Variants in PDZRN4 observed in about 807,000 individuals in gnomAD.
PDZRN4 encodes the protein PDZ domain containing ring finger 4, also known as PDZ domain-containing RING finger protein 4.
Under a neutral mutation model 99.0 loss-of-function variants are expected in PDZRN4, and 70 were observed. The ratio of observed to expected loss-of-function variants is 0.71; its 90% CI spans 0.58 to 0.86. PDZRN4 has a LOEUF of 0.86. Ranked by LOEUF, PDZRN4 falls within the 40% of genes least tolerant of loss-of-function variation. PDZRN4 has a pLI of 0.00. For missense variants in PDZRN4, 1,474 were observed against 1,331.2 expected (o/e 1.11, Z -1.67); for synonymous variants, 551 against 501.6 (o/e 1.10, Z -1.32).
At chr12:41,432,275 C>G (rs1419857204) in intron 3 of PDZRN4, among the ~76,000 whole-genome samples, 1 of 152,198 alleles carries the variant, frequency 6.6e-6, no homozygotes, top group East Asian at 1.9e-4. Flanking sequence ...CTTTCATAGA[C>G]TTTCAAATTT....
intron 3 of PDZRN4, among the ~76,000 whole-genome samples, chr12:41,502,030 G>C (rs542635104): frequency 2.1e-4 from 32 of 152,064 alleles, no homozygotes; most frequent in Admixed American, 9.2e-4. Context: ...ACATGTCACT[G>C]TTTATCCTAG....
intron 3 of PDZRN4, among the ~76,000 whole-genome samples, chr12:41,483,415 C>A (rs1440045794): frequency 6.6e-6 from 1 of 152,102 alleles, no homozygotes; most frequent in East Asian, 1.9e-4. Context: ...GATCCTAAAT[C>A]TCTCTTTTTG....
At position 41,188,927 on chromosome 12, in the gene PDZRN4, C is replaced by G. The variant is rs746539768; in HGVS notation, c.472C>G (p.Arg158Gly). The G allele has an allele frequency of 8.3e-7, 1 of 1,200,732 alleles. No individual in the cohort carries two copies. The highest frequency in any genetic ancestry group is 1.6e-5 in the African/African-American group (1 of 62,710). The allele number at this position is 1,200,732 out of a possible 1,614,324, so 74.4% of individuals were successfully genotyped here. A position where few individuals can be genotyped will look rare whatever the true frequency, so the allele number is the denominator to read the frequency against. ...GCCGGGCGGCCGCTGGGGCCGCGGG[C>G]GGGGACCCGGGCCTCGGGTCCTCGC... ...GPPGGRWGRG[R>G]GPGPRVLAWR... Residue 158 changes from arginine to glycine, a missense_variant, in exon 1 of 10, where the codon CGG becomes GGG. Arg to Gly is a moderately radical substitution (Grantham distance 125). Transcript: ENST00000402685.
intron 3 of PDZRN4, among the ~76,000 whole-genome samples, chr12:41,422,005 CAT>C (rs1952494498): frequency 6.6e-6 from 1 of 152,120 alleles, no homozygotes; most frequent in South Asian, 2.1e-4. Context: ...AGAGTACCCA[CAT>C]GTGTCAGTAA....
intron 3 of PDZRN4, among the ~76,000 whole-genome samples, chr12:41,289,375 A>T (rs1418756716): frequency 6.6e-6 from 1 of 152,188 alleles, no homozygotes; most frequent in Non-Finnish European, 1.5e-5. Context: ...GTATTAACCA[A>T]TATGGGTGGA....
chr12:41,404,744 T>TAAA (rs35907714), intron 3 of PDZRN4, among the ~76,000 whole-genome samples: 2 of 145,504 alleles, frequency 1.4e-5, no homozygotes, highest in Non-Finnish European at 1.5e-5. Flanking sequence ...CAAGCTATAC[T>TAAA]AAAAAAAAAA....
Position 41,527,041 on chromosome 12 carries a change from G to A in PDZRN4, c.1203+17128G>A, listed in dbSNP as rs537125893. On this transcript the variant is annotated intron_variant, in intron 5 of 9. Transcript: ENST00000402685. ...TTCTGTTAGATGTAGATGTGGAAAC[G>A]GGAAGACATATATAATTACACTACC... is the stretch of plus-strand genomic sequence containing the variant. Among the ~76,000 whole-genome samples, 29 of 152,286 alleles carry A rather than the reference G, an allele frequency of 1.9e-4. 1 individual carries two copies. The highest frequency in any genetic ancestry group is 6.5e-4 in the African/African-American group (27 of 41,564).
At chr12:41,514,023 A>T (rs1938353423) in intron 5 of PDZRN4, among the ~76,000 whole-genome samples, 1 of 152,098 alleles carries the variant, frequency 6.6e-6, no homozygotes, top group Non-Finnish European at 1.5e-5. Flanking sequence ...TGATCAGGCA[A>T]AGAAACATAT....
At chr12:41,288,544 G>C (rs1270960318) in intron 3 of PDZRN4, among the ~76,000 whole-genome samples, 1 of 152,142 alleles carries the variant, frequency 6.6e-6, no homozygotes, top group Non-Finnish European at 1.5e-5. Context: ...ATATGGTGCA[G>C]TGTTTCTTTA....
chr12:41,402,140 T>TATAC lies in PDZRN4; in HGVS notation c.844-104315_844-104314insTACA, dbSNP rs1474126618. Among the ~76,000 whole-genome samples the TATAC allele has an allele frequency of 6.2e-5, 2 of 32,258 alleles. 1 individual carries two copies. Among genetic ancestry groups the TATAC allele is most frequent in the African/African-American group, 5.3e-4 (2 of 3,758 alleles). The allele number at this position is 32,258 out of a possible 152,430, so 21.2% of individuals were successfully genotyped here. On this transcript the variant is annotated intron_variant, in intron 3 of 9. Coordinates refer to ENST00000402685, the MANE Select transcript of PDZRN4 (RefSeq NM_001164595.2). ...GTATATATATATATATATATATATA[T>TATAC]ACACACACTGAGTATATATATATAT...
At chr12:41,192,767 A>T (rs554850039) in intron 2 of PDZRN4, among the ~76,000 whole-genome samples, 3 of 152,302 alleles carry the variant, frequency 2.0e-5, no homozygotes, top group Non-Finnish European at 1.5e-5. Flanking sequence ...TGGCTCCCCA[A>T]ACCGAGTTCT....
chr12:41,415,313 T>TTA (rs1952435325), intron 3 of PDZRN4, among the ~76,000 whole-genome samples: 1 of 149,360 alleles, frequency 6.7e-6, no homozygotes, highest in Non-Finnish European at 1.5e-5. Flanking sequence ...TGGAAATTTA[T>TTA]TATATATATG....
chr12:41,304,684 G>A (rs1174891052), intron 3 of PDZRN4, among the ~76,000 whole-genome samples: 1 of 152,122 alleles, frequency 6.6e-6, no homozygotes, highest in African/African-American at 2.4e-5. Context: ...AAAATGAATA[G>A]GATATGGTTC....
In PDZRN4 at chr12:41,188,855, G is replaced by A; in HGVS notation, c.400G>A (p.Gly134Ser). 4.8e-6 allele frequency: 6 copies of A among 1,249,976 alleles called. No individual in the cohort carries two copies. The highest frequency in any genetic ancestry group is 2.8e-5 in the South Asian group (1 of 35,146). 77.4% of individuals were successfully genotyped at this position (1,249,976 alleles called of 1,614,324 possible). The change falls in exon 1 of 10, where the codon GGT (glycine) becomes AGT (serine). Residue 134 changes from glycine (G) to serine (S), a missense_variant. Physicochemically the swap from Gly to Ser is moderately conservative, Grantham distance 56 (BLOSUM62 0). Transcript: ENST00000402685. ...GGEVPARGGC[G>S]PTPRAGRGGG... The stretch of plus-strand genomic sequence containing the variant: ...TGAGGTGCCCGCGCGGGGGGGCTGC[G>A]GTCCGACACCCAGGGCTGGCCGGGG...
intron 1 of PDZRN4, among the ~76,000 whole-genome samples, chr12:41,189,868 C>T (rs1423551181): frequency 1.3e-5 from 2 of 152,136 alleles, no homozygotes; most frequent in Admixed American, 6.5e-5. Context: ...CCTGCGAGCC[C>T]CCAGGCAGCG....
intron 3 of PDZRN4, among the ~76,000 whole-genome samples, chr12:41,499,566 A>G (rs1180234475): frequency 1.3e-5 from 2 of 151,980 alleles, no homozygotes; most frequent in African/African-American, 4.8e-5. Flanking sequence ...AAAGGAAGAG[A>G]AAATACAGAA....
At chr12:41,339,148 G>A (rs1951797602) in intron 3 of PDZRN4, among the ~76,000 whole-genome samples, 1 of 149,350 alleles carries the variant, frequency 6.7e-6, no homozygotes, top group Non-Finnish European at 1.5e-5. Flanking sequence ...CAAAATGGGA[G>A]GAATCACATT....
At chr12:41,302,009 G>A (rs1439204018) in intron 3 of PDZRN4, among the ~76,000 whole-genome samples, 1 of 151,914 alleles carries the variant, frequency 6.6e-6, no homozygotes, top group Non-Finnish European at 1.5e-5. Context: ...GGTTAAATAA[G>A]CTTTTCTCCT....
intron 3 of PDZRN4, among the ~76,000 whole-genome samples, chr12:41,293,290 G>A (rs1263243973): frequency 6.7e-6 from 1 of 149,086 alleles, no homozygotes; most frequent in African/African-American, 2.5e-5. Flanking sequence ...TAATTTCCCT[G>A]GTGCTGACGA....
Sources: allele counts gnomAD v4.1 joint callset (sites outside exome capture counted in the v4.1 genomes callset), GRCh38; gene constraint gnomAD v4.1.1; transcripts MANE v1.5; gene names NCBI Gene and HGNC (gene_info 2026-07-23, HGNC 2026-07-21).